Variants in DCP1B observed in about 807,000 individuals in gnomAD.
DCP1B encodes decapping mRNA 1B.
Under a neutral mutation model 60.5 loss-of-function variants are expected in DCP1B, and 47 were observed. That is an observed-to-expected ratio of 0.78 (90% CI 0.61 to 0.99). The LOEUF (loss-of-function observed/expected upper bound fraction) is 0.99. DCP1B is among the 50% of genes least tolerant of loss of function. The pLI, the probability that DCP1B is intolerant of heterozygous loss-of-function variation, is 0.00. For missense variants in DCP1B, 725 were observed against 756.8 expected (o/e 0.96, Z 0.49); for synonymous variants, 267 against 280.3 (o/e 0.95, Z 0.47).
At position 1,979,641 on chromosome 12, in the gene DCP1B, G is replaced by A. The variant is rs180816005; in HGVS notation, c.320-11731C>T. On this transcript the variant is annotated intron_variant, in intron 3 of 8. Transcript: ENST00000280665. ...TCTCTTAAGTAAATAACTACGAACG[G>A]AACTTGTTGGATCATACGCTAGTTA... Among the ~76,000 whole-genome samples, 280 of 152,318 alleles carry A rather than the reference G, an allele frequency of 1.8e-3. 1 individual carries two copies. The highest frequency in any genetic ancestry group is 6.5e-3 in the African/African-American group (272 of 41,582).
chr12:1,986,319 G>C (rs1048801907), intron 3 of DCP1B, among the ~76,000 whole-genome samples: 1 of 152,152 alleles, frequency 6.6e-6, no homozygotes, highest in Non-Finnish European at 1.5e-5. Flanking sequence ...CCCTCCTCTA[G>C]AATTGCTCCC....
At chr12:1,974,429 G>A (rs371150337) in intron 3 of DCP1B, among the ~76,000 whole-genome samples, 1 of 152,078 alleles carries the variant, frequency 6.6e-6, no homozygotes, top group African/African-American at 2.4e-5. Flanking sequence ...ATGAGCTCCC[G>A]AAGACTGTAT....
chr12:1,955,961 AAAATTG>A (rs1450138244), intron 5 of DCP1B, among the ~76,000 whole-genome samples: 30 of 152,240 alleles, frequency 2.0e-4, no homozygotes, highest in African/African-American at 7.2e-4. Flanking sequence ...CAGTTGACTT[AAAATTG>A]GAGAGTAGTT....
At chr12:1,978,482 T>C (rs1455526122) in intron 3 of DCP1B, among the ~76,000 whole-genome samples, 3 of 152,246 alleles carry the variant, frequency 2.0e-5, no homozygotes, top group African/African-American at 7.2e-5. Flanking sequence ...TAAATTTTCA[T>C]TTATTTAAAT....
Position 1,949,138 on chromosome 12 carries a change from C to T in DCP1B, c.1721G>A (p.Ser574Asn). 2.5e-6 allele frequency: 4 copies of T among 1,614,102 alleles called. No homozygotes were observed. The highest frequency in any genetic ancestry group is 2.2e-5 in the East Asian group (1 of 44,878). ...IQSPEPSVIT[S>N]SPLTKLQLQE... ...GAGCTGGAGCTTGGTGAGTGGGCTGCTGGTGATCACGGAGGGCTCCGGGCT... is the reference window on the plus strand; with the variant it reads ...GAGCTGGAGCTTGGTGAGTGGGCTGTTGGTGATCACGGAGGGCTCCGGGCT... Residue 574 changes from serine (S) to asparagine (N), a missense_variant, in exon 8 of 9, where the codon AGC becomes AAC. By Grantham distance (46) the Ser-to-Asn change is conservative. Coordinates refer to ENST00000280665, the MANE Select transcript of DCP1B (RefSeq NM_152640.5).
chr12:1,989,531 C>G (rs1001279542), intron 3 of DCP1B, among the ~76,000 whole-genome samples: 1 of 152,128 alleles, frequency 6.6e-6, no homozygotes, highest in African/African-American at 2.4e-5. Flanking sequence ...CTGGCCAACA[C>G]GGTGAAACCC....
intron 2 of DCP1B, among the ~76,000 whole-genome samples, chr12:1,996,411 G>A (rs1015971438): frequency 5.3e-4 from 81 of 151,554 alleles, no homozygotes; most frequent in Middle Eastern, 3.2e-3. Flanking sequence ...CAGGTTCTCC[G>A]CCCCTGCTTT....
intron 5 of DCP1B, among the ~76,000 whole-genome samples, chr12:1,964,484 T>C (rs1017878153): frequency 1.3e-5 from 2 of 152,208 alleles, no homozygotes; most frequent in Non-Finnish European, 2.9e-5. Context: ...TTAGGCATAA[T>C]TGAAAGATTT....
intron 5 of DCP1B, among the ~76,000 whole-genome samples, chr12:1,957,553 C>T (rs2030928830): frequency 6.6e-6 from 1 of 152,144 alleles, no homozygotes; most frequent in Non-Finnish European, 1.5e-5. Context: ...TAATTCTTGT[C>T]TTAAACCACA....
intron 2 of DCP1B, among the ~76,000 whole-genome samples, chr12:1,995,583 C>T (rs910776586): frequency 6.6e-6 from 1 of 152,208 alleles, no homozygotes; most frequent in Non-Finnish European, 1.5e-5. Context: ...TCCTTCCTTC[C>T]ACCTCCCATT....
In DCP1B at chr12:1,996,637, A is replaced by C. The variant is rs1052029989; in HGVS notation, c.191+1298T>G. ...GAGCTAAAAAAAAAAAAAAAAAAAA[A>C]AAAAAAAAAAAAAAAAAACAACAAA... is the stretch of plus-strand genomic sequence containing the variant. On this transcript the variant is annotated intron_variant, in intron 2 of 8. Coordinates refer to ENST00000280665, the MANE Select transcript of DCP1B (RefSeq NM_152640.5). Among the ~76,000 whole-genome samples, 445 of 121,330 alleles carry C rather than the reference A, an allele frequency of 3.7e-3. 10 individuals carry two copies. The highest frequency in any genetic ancestry group is 0.015 in the African/African-American group (420 of 28,856). The allele number at this position is 121,330 out of a possible 152,430, so 79.6% of individuals were successfully genotyped here.
intron 1 of DCP1B, among the ~76,000 whole-genome samples, chr12:2,000,571 A>G (rs1006857041): frequency 9.2e-5 from 14 of 152,222 alleles, no homozygotes; most frequent in African/African-American, 3.1e-4. Context: ...ACTTATAACA[A>G]GTAATTCTTA....
Position 1,971,050 on chromosome 12 carries a change from C to A in DCP1B, c.320-3140G>T. The A allele has an allele frequency of 7.8e-7, 1 of 1,281,470 alleles. No individual in the cohort carries two copies. Among genetic ancestry groups the A allele is most frequent in the Non-Finnish European group, 1.0e-6 (1 of 984,272 alleles). The allele number at this position is 1,281,470 out of a possible 1,614,324, so 79.4% of individuals were successfully genotyped here. A position where few individuals can be genotyped will look rare whatever the true frequency, so the allele number is the denominator to read the frequency against. On this transcript the variant is annotated intron_variant, in intron 3 of 8. Coordinates refer to ENST00000280665, the MANE Select transcript of DCP1B (RefSeq NM_152640.5). This position sits in a 1 kb window ranked among gnomAD's most constrained non-coding sequence, Gnocchi z 4.2. ...TAAAAATCAACCAATTAATATACAT[C>A]TGGAAATTCACAATGCTTCGAGCCT...
At chr12:1,998,070 CTT>C in intron 1 of DCP1B, 95 bp from the exon 2 acceptor site, 1 of 1,052,388 alleles carries the variant, frequency 9.5e-7, no homozygotes, top group Admixed American at 2.6e-5. Context: ...TTATATATAA[CTT>C]CAATGGGCCA....
chr12:1,949,984 T>C (rs1343498155), intron 7 of DCP1B: 3 of 256,398 alleles, frequency 1.2e-5, no homozygotes, highest in Non-Finnish European at 2.3e-5. Context: ...CAAACAGACC[T>C]GAAACCAAGT....
At chr12:1,995,214 G>GT (rs2040506447) in intron 2 of DCP1B, among the ~76,000 whole-genome samples, 1 of 147,422 alleles carries the variant, frequency 6.8e-6, no homozygotes, top group African/African-American at 2.5e-5. Context: ...CTCTTCCATA[G>GT]TTAAAAAAAA....
chr12:1,942,044 C>CTGA (rs1366556720), downstream of DCP1B, among the ~76,000 whole-genome samples: 1 of 151,982 alleles, frequency 6.6e-6, no homozygotes, highest in Non-Finnish European at 1.5e-5. Context: ...TCAGGAGACC[C>CTGA]ATCTCACGTG....
intron 4 of DCP1B, chr12:1,965,930 T>C: frequency 2.4e-6 from 1 of 419,952 alleles, no homozygotes; most frequent in Non-Finnish European, 4.2e-6. Context: ...CCACCACCTG[T>C]TTTTTGTAAA....
At chr12:1,953,436 A>C in intron 6 of DCP1B, 148 bp from the exon 7 acceptor site, 1 of 1,063,178 alleles carries the variant, frequency 9.4e-7, no homozygotes, top group Non-Finnish European at 1.3e-6. Context: ...AACTTGAAAA[A>C]TGAGATCCCC....
Sources: gnomAD v4.1 joint callset for allele counts (sites outside exome capture counted in the v4.1 genomes callset) on GRCh38, gnomAD v4.1.1 for gene constraint, Gnocchi (gnomAD v3.1) non-coding constraint, MANE v1.5 for transcripts, NCBI Gene and HGNC (gene_info 2026-07-23, HGNC 2026-07-21) for gene names.